Variants in BPIFA1 observed in about 807,000 individuals in gnomAD.
BPIFA1 encodes the protein BPI fold containing family A member 1.
BPIFA1 carries 24 observed loss-of-function variants against 25.1 expected under a neutral mutation model. That is an observed-to-expected ratio of 0.96 (90% CI 0.69 to 1.35). The LOEUF (loss-of-function observed/expected upper bound fraction) is 1.35. Ranked by LOEUF, BPIFA1 falls within the 40% of genes most tolerant of loss-of-function variation. The probability of loss-of-function intolerance (pLI) is 0.00; values close to 1 mark genes in which losing one functional copy is unlikely to be tolerated. For missense variants in BPIFA1, 344 were observed against 303.7 expected (o/e 1.13, Z -0.99); for synonymous variants, 139 against 131.8 (o/e 1.05, Z -0.37).
At position 33,240,402 on chromosome 20, in the gene BPIFA1, A is replaced by G. The variant is rs1203458255; in HGVS notation, c.581+17A>G. 6.2e-7 allele frequency: 1 copy of G among 1,613,304 alleles called. No homozygotes were observed. Among genetic ancestry groups the G allele is most frequent in the Admixed American group, 1.7e-5 (1 of 59,934 alleles). On this transcript the variant is annotated intron_variant, in intron 5 of 8. Transcript: ENST00000354297. ...GCTTGATGGGTGAGGCCAGAGGAGC[A>G]GCTTATCCTGCCCAGAGATGACAGG...
chr20:33,237,279 T>C (rs899129935), intron 1 of BPIFA1, among the ~76,000 whole-genome samples: 1 of 152,218 alleles, frequency 6.6e-6, no homozygotes, highest in Non-Finnish European at 1.5e-5. Context: ...AACTCCCAAC[T>C]GCAAACTCAC....
chr20:33,242,624 C>A, intron 8 of BPIFA1, 63 bp downstream of exon 8: 4 of 1,209,300 alleles, frequency 3.3e-6, no homozygotes, highest in Non-Finnish European at 4.9e-6. Context: ...TGGTAGAAGG[C>A]AGACGGGAGC....
chr20:33,240,313 A>C lies in BPIFA1; in HGVS notation c.509A>C (p.Gln170Pro), dbSNP rs1239644182. Reference sequence around the variant, plus strand: ...GAAATCTTAGCTGTGAGAGATAAGCAGGAGAGGATCCACCTGGTCCTTGGT... The same window carrying C: ...GAAATCTTAGCTGTGAGAGATAAGCCGGAGAGGATCCACCTGGTCCTTGGT... ...TAEILAVRDK[Q>P]ERIHLVLGDC... Residue 170 changes from glutamine to proline, a missense_variant, in exon 5 of 9, where the codon CAG (glutamine) becomes CCG (proline). Transcript: ENST00000354297. The C allele has an allele frequency of 1.2e-5, 19 of 1,614,156 alleles. No individual in the cohort carries two copies. Among genetic ancestry groups the C allele is most frequent in the Non-Finnish European group, 1.6e-5 (19 of 1,180,022 alleles).
At chr20:33,241,334 T>G in intron 5 of BPIFA1, 51 bp from the exon 6 acceptor site, 6 of 1,532,718 alleles carry the variant, frequency 3.9e-6, no homozygotes, top group Non-Finnish European at 5.4e-6. Flanking sequence ...TCTGGAGACT[T>G]CTCCACACCA....
Position 33,240,329 on chromosome 20 carries a change from G to A in BPIFA1, c.525G>A (p.Leu175=). Residue 175 remains leucine (L), a synonymous_variant, in exon 5 of 9, where the codon CTG becomes CTA. Transcript: ENST00000354297. ...GAGATAAGCAGGAGAGGATCCACCT[G>A]GTCCTTGGTGACTGCACCCATTCCC... ...AVRDKQERIH[L]VLGDCTHSPG... is the part of the protein sequence containing the mutation. 6.2e-7 allele frequency: 1 copy of A among 1,614,126 alleles called. No individual in the cohort carries two copies. The highest frequency in any genetic ancestry group is 8.5e-7 in the Non-Finnish European group (1 of 1,180,028).
chr20:33,238,744 C>A (rs1978817555), intron 3 of BPIFA1, among the ~76,000 whole-genome samples: 1 of 152,166 alleles, frequency 6.6e-6, no homozygotes, highest in Non-Finnish European at 1.5e-5. Flanking sequence ...ATGGAAAGGT[C>A]TAACGTGGAG....
In BPIFA1 at chr20:33,242,399, C is replaced by T. The variant is rs929636330; in HGVS notation, c.731-88C>T. ...GTCGGATCTCCAGAGGCCTCCATTC[C>T]CTGGCCCCCCACCTTGAGGAATATG... On this transcript the variant is annotated intron_variant, in intron 7 of 8. Transcript: ENST00000354297. 13 of 1,504,986 alleles carry T rather than the reference C, an allele frequency of 8.6e-6. No individual in the cohort carries two copies. In the African/African-American group the frequency reaches 1.4e-4, roughly 16 times the overall value. 93.2% of individuals were successfully genotyped at this position (1,504,986 alleles called of 1,614,324 possible).
At chr20:33,239,092 C>T (rs962457266) in intron 3 of BPIFA1, among the ~76,000 whole-genome samples, 1 of 152,118 alleles carries the variant, frequency 6.6e-6, no homozygotes, top group Non-Finnish European at 1.5e-5. Context: ...CAGTGAATGG[C>T]CTCACCCATC....
chr20:33,242,000 G>T (rs1444655522), intron 6 of BPIFA1, 56 bp from the exon 7 acceptor site: 14 of 1,507,250 alleles, frequency 9.3e-6, no homozygotes, highest in Non-Finnish European at 1.8e-6. Context: ...CCCCACTAGG[G>T]ATTCTGCTGC....
intron 2 of BPIFA1, 27 bp downstream of exon 2, chr20:33,237,898 A>ATGTGTGTGTGTGTGTGTG: frequency 1.7e-6 from 2 of 1,186,536 alleles, no homozygotes; most frequent in Non-Finnish European, 2.3e-6. Context: ...GTATGTGTGC[A>ATGTGTGTGTGTGTGTGTG]TGTGTGTGTG....
At chr20:33,239,967 C>A in intron 4 of BPIFA1, 57 bp downstream of exon 4, 1 of 1,516,350 alleles carries the variant, frequency 6.6e-7, no homozygotes, top group Non-Finnish European at 9.2e-7. Context: ...ACCCTGGTGA[C>A]CATGGTTAAC....
chr20:33,238,700 T>C (rs540111696), intron 3 of BPIFA1, among the ~76,000 whole-genome samples: 5 of 152,272 alleles, frequency 3.3e-5, no homozygotes, highest in African/African-American at 1.2e-4. Flanking sequence ...CCCACCTTGA[T>C]GATATCAATG....
At chr20:33,241,993 C>G in intron 6 of BPIFA1, 63 bp from the exon 7 acceptor site, 6 of 1,432,424 alleles carry the variant, frequency 4.2e-6, no homozygotes, top group Admixed American at 1.7e-5. Context: ...AGAGAACCCC[C>G]ACTAGGGATT....
rs1243693894 is a variant in BPIFA1 at position 33,241,482 on chromosome 20, G to T, written c.666+13G>T. 1.2e-6 allele frequency: 2 copies of T among 1,602,780 alleles called. No homozygotes were observed. Among genetic ancestry groups the T allele is most frequent in the Non-Finnish European group, 1.7e-6 (2 of 1,169,612 alleles). ...GGTTCAGGGCAACGTAAGTAGGCAA[G>T]GTGGGGATCCCCTGATCCTCAGGTT... On this transcript the variant is annotated intron_variant, in intron 6 of 8. Coordinates refer to ENST00000354297, the MANE Select transcript of BPIFA1 (RefSeq NM_130852.3).
chr20:33,241,352 G>A, intron 5 of BPIFA1, 33 bp from the exon 6 acceptor site: 2 of 1,573,844 alleles, frequency 1.3e-6, no homozygotes, highest in Non-Finnish European at 1.7e-6. Context: ...CCATCTCCAG[G>A]TCCCTGCATC....
chr20:33,242,296 T>C (rs776995708), intron 7 of BPIFA1, among the ~76,000 whole-genome samples, 177 bp downstream of exon 7: 1 of 152,180 alleles, frequency 6.6e-6, no homozygotes, highest in Non-Finnish European at 1.5e-5. Flanking sequence ...CCGTGTCTCC[T>C]GCCTCAGCCC....
Position 33,240,290 on chromosome 20 carries a change from A to T in BPIFA1, c.486A>T (p.Glu162Asp), listed in dbSNP as rs955451319. The T allele has an allele frequency of 6.2e-7, 1 of 1,614,178 alleles. No individual in the cohort carries two copies. The change falls in exon 5 of 9, where the codon GAA (glutamate) becomes GAT (aspartate). Residue 162 changes from glutamate (E) to aspartate (D), a missense_variant. Physicochemically the swap from Glu to Asp is conservative, Grantham distance 45. Transcript: ENST00000354297. ...RLAVKLDITA[E>D]ILAVRDKQER... ...CTGTGAAGCTGGACATCACTGCAGA[A>T]ATCTTAGCTGTGAGAGATAAGCAGG...
In BPIFA1 at chr20:33,242,124, G is replaced by C; in HGVS notation, c.730+5G>C. On this transcript the variant is annotated splice_donor_5th_base_variant and intron_variant, in intron 7 of 8. Coordinates refer to ENST00000354297, the MANE Select transcript of BPIFA1 (RefSeq NM_130852.3). ...CCCTGGTGCATGACATTGTTAGTAA[G>C]TACCTGCTTTCAAGCCCTCTGTCCC... The C allele has an allele frequency of 6.2e-7, 1 of 1,613,902 alleles. No individual in the cohort carries two copies. Among genetic ancestry groups the C allele is most frequent in the Non-Finnish European group, 8.5e-7 (1 of 1,179,798 alleles).
intron 8 of BPIFA1, 150 bp downstream of exon 8, chr20:33,242,711 A>G: frequency 3.1e-6 from 2 of 636,376 alleles, no homozygotes; most frequent in Non-Finnish European, 5.5e-6. Flanking sequence ...AATCCACAGA[A>G]AAGCTGACAG....
Sources: allele counts gnomAD v4.1 joint callset (sites outside exome capture counted in the v4.1 genomes callset), GRCh38; gene constraint gnomAD v4.1.1; transcripts MANE v1.5; gene names NCBI Gene and HGNC (gene_info 2026-07-23, HGNC 2026-07-21).